Variants in ZNF587 observed in about 807,000 individuals in gnomAD.
The protein encoded by ZNF587 is zinc finger protein 587.
Under a neutral mutation model 7.5 loss-of-function variants are expected in ZNF587, and 8 were observed. The ratio of observed to expected loss-of-function variants is 1.06; its 90% CI spans 0.62 to 1.92. ZNF587 has a LOEUF of 1.92. Ranked by LOEUF, ZNF587 falls within the 40% of genes most tolerant of loss-of-function variation. The probability of loss-of-function intolerance (pLI) is 0.00; values close to 1 mark genes in which losing one functional copy is unlikely to be tolerated. For synonymous variants in ZNF587, 145 were observed against 237.8 expected, an observed-to-expected ratio of 0.61 and a Z score of 3.59; for missense variants, 468 against 692.8, an observed-to-expected ratio of 0.68 and a Z score of 3.64.
Position 57,864,801 on chromosome 19 carries a change from A to C in ZNF587, c.*4661A>C, listed in dbSNP as rs574797178. ...TGTAAATTTTTTTTTATTACACCAA[A>C]TTATGTTCACACAAAACCTTTGTAA... On this transcript the variant is annotated 3_prime_UTR_variant, in exon 3 of 3. Coordinates refer to ENST00000339656, the MANE Select transcript of ZNF587 (RefSeq NM_032828.4). 29 of 152,092 alleles carry C rather than the reference A, an allele frequency of 1.9e-4. No homozygotes were observed. Among genetic ancestry groups the C allele is most frequent in the Non-Finnish European group, 4.0e-4 (27 of 68,034 alleles). The allele number at this position is 152,092 out of a possible 1,614,324, so 9.4% of individuals were successfully genotyped here.
At position 57,849,894 on chromosome 19, in the gene ZNF587, C is replaced by A; in HGVS notation, c.-145C>A. 3 of 1,533,700 alleles carry A rather than the reference C, an allele frequency of 2.0e-6. No homozygotes were observed. The highest frequency in any genetic ancestry group is 1.4e-5 in the African/African-American group (1 of 73,070). ...GTGTATCGGCGATGCGGGTGTTTCC[C>A]CAGTTTGTGGCCCCTGAGTGCTGGG... On this transcript the variant is annotated 5_prime_UTR_variant, in exon 1 of 3. Coordinates refer to ENST00000339656, the MANE Select transcript of ZNF587 (RefSeq NM_032828.4).
intron 1 of ZNF587, 129 bp downstream of exon 1, chr19:57,850,200 G>A (rs2071263369): frequency 1.3e-6 from 2 of 1,556,408 alleles, no homozygotes; most frequent in South Asian, 1.1e-5. Context: ...GCGCTCACAG[G>A]AGGCCTCTCC....
chr19:57,857,762 G>A (rs1201072715), intron 2 of ZNF587, among the ~76,000 whole-genome samples: 1 of 151,754 alleles, frequency 6.6e-6, no homozygotes, highest in African/African-American at 2.4e-5. Flanking sequence ...AGCCTCCCAA[G>A]TAGCTGGGAT....
Position 57,862,397 on chromosome 19 carries a change from A to G in ZNF587, c.*2257A>G, listed in dbSNP as rs2071444262. On this transcript the variant is annotated 3_prime_UTR_variant, in exon 3 of 3. Transcript: ENST00000339656. ...CTCTACTCAATACCCATTGAGATTT[A>G]TGTGTTCTGAGGCTTTTGTCTTCTA... 1 of 152,104 alleles carries G rather than the reference A, an allele frequency of 6.6e-6. No individual in the cohort carries two copies. 9.4% of individuals were successfully genotyped at this position (152,104 alleles called of 1,614,324 possible). A position where few individuals can be genotyped will look rare whatever the true frequency, so the allele number is the denominator to read the frequency against.
chr19:57,857,124 G>A (rs545189554), intron 2 of ZNF587: 1 of 152,058 alleles, frequency 6.6e-6, no homozygotes, highest in Admixed American at 6.5e-5. Flanking sequence ...CTATGTACTG[G>A]GTGTGAGATG....
intron 1 of ZNF587, chr19:57,854,079 C>T (rs1198565397): frequency 6.6e-6 from 1 of 152,296 alleles, no homozygotes; most frequent in Non-Finnish European, 1.5e-5. Context: ...ACTGTCTGGA[C>T]TCATAAACAT....
rs565039045 is a variant in ZNF587, at chr19:57,859,400, G to C, written c.988G>C (p.Gly330Arg). 1 of 1,608,680 alleles carries C rather than the reference G, an allele frequency of 6.2e-7. No individual in the cohort carries two copies. The highest frequency in any genetic ancestry group is 1.1e-5 in the South Asian group (1 of 91,052). Residue 330 changes from glycine (G) to arginine (R), a missense_variant, in exon 3 of 3, where the codon GGG (glycine) becomes CGG (arginine). This residue lies in a region of ZNF587 where 310 missense variants were observed against 325.6 expected (regional missense o/e 0.95). Transcript: ENST00000339656. ...GEGPYECREC[G>R]KSFGQKGNLI... is the part of the protein sequence containing the mutation. ...AGGGCCTTATGAGTGTAGAGAATGT[G>C]GGAAATCTTTTGGTCAAAAGGGTAA...
At chr19:57,852,543 T>TA (rs1391662960) in intron 1 of ZNF587, among the ~76,000 whole-genome samples, 1 of 151,742 alleles carries the variant, frequency 6.6e-6, no homozygotes, top group Non-Finnish European at 1.5e-5. Flanking sequence ...TTTTTTTTCT[T>TA]AACGTGGAAT....
chr19:57,855,547 G>A (rs901207982), intron 1 of ZNF587, among the ~76,000 whole-genome samples: 2 of 151,352 alleles, frequency 1.3e-5, no homozygotes, highest in Non-Finnish European at 1.5e-5. Context: ...TGTTCAGAAG[G>A]GGGTGTGGGC....
Position 57,859,961 on chromosome 19 carries a change from CAAA to C in ZNF587, c.1551_1553del (p.Lys518del). On this transcript the variant is annotated inframe_deletion, in exon 3 of 3. Coordinates refer to ENST00000339656, the MANE Select transcript of ZNF587 (RefSeq NM_032828.4). ...TGTTCATAAAAGAGTTCATTCTGGA[CAAA>C]AGCCTTATAAGTGCAGTGAATGTGG... The C allele has an allele frequency of 6.2e-7, 1 of 1,613,772 alleles. No individual in the cohort carries two copies. Among genetic ancestry groups the C allele is most frequent in the Non-Finnish European group, 8.5e-7 (1 of 1,179,964 alleles).
At position 57,859,575 on chromosome 19, in the gene ZNF587, C is replaced by T; in HGVS notation, c.1163C>T (p.Ser388Phe). ...TACAAGTGTGGAGAATGTGGGAAAT[C>T]TTTTGGTCAAAAGGGCAACCTCGTT... ...RPYKCGECGKSFGQKGNLVHH... is the reference protein window; with the variant it reads ...RPYKCGECGKFFGQKGNLVHH... The change falls in exon 3 of 3, where the codon TCT (serine) becomes TTT (phenylalanine). Residue 388 changes from serine (S) to phenylalanine (F), a missense_variant. This residue lies in a region of ZNF587 where 310 missense variants were observed against 325.6 expected (regional missense o/e 0.95). Transcript: ENST00000339656. The T allele has an allele frequency of 6.2e-7, 1 of 1,613,912 alleles. No homozygotes were observed.
intron 1 of ZNF587, among the ~76,000 whole-genome samples, chr19:57,855,630 C>T (rs1041143055): frequency 2.7e-5 from 4 of 146,750 alleles, no homozygotes; most frequent in South Asian, 2.2e-4. Flanking sequence ...GGTGTGATCT[C>T]GGCTCACTAC....
chr19:57,854,178 G>A (rs2071320665), intron 1 of ZNF587: 1 of 152,194 alleles, frequency 6.6e-6, no homozygotes. Flanking sequence ...GATAGTAGAT[G>A]TGGTTTGGTT....
chr19:57,853,515 G>A (rs954744816), intron 1 of ZNF587, among the ~76,000 whole-genome samples: 5 of 152,166 alleles, frequency 3.3e-5, no homozygotes, highest in African/African-American at 7.2e-5. Context: ...GCAGAAAGGT[G>A]TGATTACAGG....
Position 57,860,186 on chromosome 19 carries a change from T to C in ZNF587, c.*46T>C. ...CGTTTGCTGAAGCATCCCGTCTCGT[T>C]AAACACAGGAGAGTTCATACTGGAG... is the stretch of plus-strand genomic sequence containing the variant. On this transcript the variant is annotated 3_prime_UTR_variant, in exon 3 of 3. Transcript: ENST00000339656. 6.2e-7 allele frequency: 1 copy of C among 1,614,034 alleles called. No homozygotes were observed. Among genetic ancestry groups the C allele is most frequent in the Non-Finnish European group, 8.5e-7 (1 of 1,179,932 alleles).
intron 2 of ZNF587, among the ~76,000 whole-genome samples, chr19:57,857,934 C>T (rs1600123524): frequency 6.6e-6 from 1 of 151,632 alleles, no homozygotes. Context: ...CCGTGCCCGG[C>T]CCATATTCTT....
intron 1 of ZNF587, chr19:57,854,047 T>G (rs1401262294): frequency 6.6e-6 from 1 of 152,292 alleles, no homozygotes; most frequent in Non-Finnish European, 1.5e-5. Context: ...CCACTGTGCC[T>G]GGCCAGTTGT....
chr19:57,850,147 T>G (rs1600116024), intron 1 of ZNF587, 76 bp downstream of exon 1: 1 of 1,613,006 alleles, frequency 6.2e-7, no homozygotes, highest in South Asian at 1.1e-5. Flanking sequence ...GAGCGGCTCC[T>G]GCTCGTGGGT....
chr19:57,853,477 A>G (rs563036680), intron 1 of ZNF587, among the ~76,000 whole-genome samples: 2 of 152,296 alleles, frequency 1.3e-5, no homozygotes, highest in Admixed American at 1.3e-4. Context: ...GACATGCTTC[A>G]GATTATGGTG....
Sources: gnomAD v4.1 joint callset for allele counts (sites outside exome capture counted in the v4.1 genomes callset) on GRCh38, gnomAD v4.1.1 for gene constraint, gnomAD v4.1.1 regional missense constraint, MANE v1.5 for transcripts, NCBI Gene and HGNC (gene_info 2026-07-23, HGNC 2026-07-21) for gene names.